NBEA: variants seen among roughly 807,000 people sequenced by gnomAD.
NBEA encodes lysosomal-trafficking regulator 2.
NBEA carries 44 observed loss-of-function variants against 343.4 expected under a neutral mutation model. That is an observed-to-expected ratio of 0.13 (90% CI 0.10 to 0.16). The LOEUF is 0.16. Ranked by LOEUF, NBEA falls within the 10% of genes least tolerant of loss-of-function variation. The pLI is 1.00. For synonymous variants in NBEA, 1,175 were observed against 1,238.7 expected (o/e 0.95, Z 1.08); for missense variants, 2,555 against 3,631.3 (o/e 0.70, Z 7.62).
intron 46 of NBEA, among the ~76,000 whole-genome samples, chr13:35,590,904 G>A (rs191294231): frequency 1.3e-4 from 20 of 152,160 alleles, no homozygotes; most frequent in Non-Finnish European, 2.5e-4. Context: ...GTATGTTTAG[G>A]TGTATTTAAC....
chr13:35,528,758 AT>A (rs1244673993), intron 41 of NBEA, among the ~76,000 whole-genome samples: 5 of 152,190 alleles, frequency 3.3e-5, no homozygotes, highest in Admixed American at 1.3e-4. Context: ...TTTTAAATGC[AT>A]TCCCACTTCA....
In NBEA at chr13:35,459,603, A is replaced by T. The variant is rs964435270; in HGVS notation, c.6448+7368A>T. Among the ~76,000 whole-genome samples the T allele has an allele frequency of 8.5e-5, 13 of 152,306 alleles. No homozygotes were observed. The East Asian group carries it at 2.5e-3, about 29-fold the overall frequency. ...TATCTTCCCTAAGAAATGAAAGTAGACAGTTGAAATAATCAGCTTGGCAGT... is the reference window on the plus strand; with the variant it reads ...TATCTTCCCTAAGAAATGAAAGTAGTCAGTTGAAATAATCAGCTTGGCAGT... On this transcript the variant is annotated intron_variant, in intron 40 of 58. Coordinates refer to ENST00000379939, the MANE Select transcript of NBEA (RefSeq NM_001385012.1).
rs74213280 is a variant in NBEA at position 35,434,993 on chromosome 13, A to G, written c.6304+2600A>G. 1.8e-3 allele frequency among the ~76,000 whole-genome samples: 272 copies of G among 152,268 alleles called. 7 individuals carry two copies. In the East Asian group the frequency reaches 0.05, roughly 28 times the overall value. On this transcript the variant is annotated intron_variant, in intron 39 of 58. Coordinates refer to ENST00000379939, the MANE Select transcript of NBEA (RefSeq NM_001385012.1). ...CAAACTGGAGAAGACCAAAAAAGAT[A>G]AGATAGATTATTACAGCACATTTGT...
intron 38 of NBEA, among the ~76,000 whole-genome samples, chr13:35,371,545 C>A (rs571812867): frequency 1.3e-5 from 2 of 151,944 alleles, no homozygotes; most frequent in Non-Finnish European, 2.9e-5. Flanking sequence ...TATCTGAATT[C>A]TCTCATATCT....
At chr13:35,174,414 C>T (rs913452312) in intron 27 of NBEA, among the ~76,000 whole-genome samples, 1 of 152,072 alleles carries the variant, frequency 6.6e-6, no homozygotes, top group Non-Finnish European at 1.5e-5. Context: ...TCACTCATTA[C>T]ACTTGTAATT....
intron 21 of NBEA, 109 bp from the exon 22 acceptor site, chr13:35,158,907 A>G (rs2152710429): frequency 2.9e-6 from 3 of 1,034,746 alleles, no homozygotes; most frequent in Non-Finnish European, 4.1e-6. Flanking sequence ...TTGAAGTCTT[A>G]AACTTTCTGG....
chr13:35,170,268 A>G (rs908014003), intron 25 of NBEA, among the ~76,000 whole-genome samples: 12 of 151,920 alleles, frequency 7.9e-5, no homozygotes, highest in Admixed American at 2.6e-4. Context: ...TTAAATAGGA[A>G]TAGATACCTA....
intron 1 of NBEA, among the ~76,000 whole-genome samples, chr13:34,950,151 C>T (rs543981815): frequency 3.3e-5 from 5 of 152,262 alleles, no homozygotes; most frequent in African/African-American, 7.2e-5. Context: ...GAGAAACTGA[C>T]GTCTGGCCCA....
At chr13:35,468,851 C>T (rs1426247388) in intron 40 of NBEA, among the ~76,000 whole-genome samples, 1 of 152,034 alleles carries the variant, frequency 6.6e-6, no homozygotes, top group Non-Finnish European at 1.5e-5. Flanking sequence ...GTAATCCCAG[C>T]ATTTTGGGAT....
intron 8 of NBEA, among the ~76,000 whole-genome samples, chr13:35,066,955 CAGT>C (rs2063675235): frequency 6.6e-6 from 1 of 151,818 alleles, no homozygotes; most frequent in African/African-American, 2.4e-5. Context: ...TTAGTGATTG[CAGT>C]AGAGCTTACC....
chr13:35,064,544 T>G (rs1014997200), intron 8 of NBEA, among the ~76,000 whole-genome samples: 3 of 152,068 alleles, frequency 2.0e-5, no homozygotes, highest in African/African-American at 7.2e-5. Context: ...TTATCTTCAT[T>G]CTCCATCTTG....
rs149589536 is a variant in NBEA at position 35,304,275 on chromosome 13, A to G, written c.5839-5253A>G. ...TTGAACACAAATACAGGTCAACAGT[A>G]TTATATTGTCATTGAACAAATTCAG... On this transcript the variant is annotated intron_variant, in intron 35 of 58. Coordinates refer to ENST00000379939, the MANE Select transcript of NBEA (RefSeq NM_001385012.1). Among the ~76,000 whole-genome samples, 337 of 152,232 alleles carry G rather than the reference A, an allele frequency of 2.2e-3. 1 individual carries two copies. The highest frequency in any genetic ancestry group is 7.9e-3 in the African/African-American group (329 of 41,528).
intron 6 of NBEA, 24 bp from the exon 7 acceptor site, chr13:35,055,986 A>C: frequency 1.3e-6 from 2 of 1,545,886 alleles, no homozygotes; most frequent in Non-Finnish European, 1.8e-6. Flanking sequence ...TTACATATTG[A>C]TATATTTAAT....
intron 33 of NBEA, among the ~76,000 whole-genome samples, chr13:35,226,419 G>T (rs1455326965): frequency 6.6e-6 from 1 of 151,994 alleles, no homozygotes; most frequent in Non-Finnish European, 1.5e-5. Context: ...GAGGATCTTG[G>T]ATCTTGGTGA....
At chr13:34,957,246 T>C (rs529147001) in intron 1 of NBEA, among the ~76,000 whole-genome samples, 1 of 152,204 alleles carries the variant, frequency 6.6e-6, no homozygotes, top group Non-Finnish European at 1.5e-5. Flanking sequence ...TGTATTTTCA[T>C]AGTATTCCAT....
chr13:35,089,799 C>G (rs1485464932), intron 10 of NBEA, among the ~76,000 whole-genome samples: 1 of 149,586 alleles, frequency 6.7e-6, no homozygotes, highest in Non-Finnish European at 1.5e-5. Context: ...TCTCAGTAAA[C>G]TATCACAAGA....
At chr13:35,146,211 G>A (rs2068411803) in intron 18 of NBEA, among the ~76,000 whole-genome samples, 1 of 152,114 alleles carries the variant, frequency 6.6e-6, no homozygotes, top group Non-Finnish European at 1.5e-5. Context: ...ACTGTGGCCA[G>A]GAAATCCCAT....
chr13:35,489,687 G>T (rs2076434557), intron 41 of NBEA, among the ~76,000 whole-genome samples: 1 of 151,802 alleles, frequency 6.6e-6, no homozygotes, highest in Admixed American at 6.6e-5. Context: ...AAGAATGCCA[G>T]TTCTTCAACA....
At chr13:35,177,399 A>T (rs1259315369) in intron 28 of NBEA, among the ~76,000 whole-genome samples, 1 of 151,880 alleles carries the variant, frequency 6.6e-6, no homozygotes, top group South Asian at 2.1e-4. Flanking sequence ...CTCCTCTCTT[A>T]GTATTCCTTG....
Sources: gnomAD v4.1 joint callset for allele counts (sites outside exome capture counted in the v4.1 genomes callset) on GRCh38, gnomAD v4.1.1 for gene constraint, MANE v1.5 for transcripts, NCBI Gene and HGNC (gene_info 2026-07-23, HGNC 2026-07-21) for gene names.